Variants in SCLT1 observed in about 807,000 individuals in gnomAD.
SCLT1 encodes the protein sodium channel-associated protein 1.
A neutral mutation model predicts 112.8 loss-of-function variants in SCLT1; 78 were observed. That is an observed-to-expected ratio of 0.69 (90% CI 0.58 to 0.83). SCLT1 has a LOEUF of 0.83. Ranked by LOEUF, SCLT1 falls within the 40% of genes least tolerant of loss-of-function variation. The pLI, the probability that SCLT1 is intolerant of heterozygous loss-of-function variation, is 0.00. For synonymous variants in SCLT1, 257 were observed against 254.7 expected (o/e 1.01, Z -0.09); for missense variants, 747 against 770.4 (o/e 0.97, Z 0.36).
intron 2 of SCLT1, among the ~76,000 whole-genome samples, chr4:129,078,706 A>T (rs1430187582): frequency 6.6e-6 from 1 of 152,180 alleles, no homozygotes; most frequent in Non-Finnish European, 1.5e-5. Context: ...TACTCAAGCC[A>T]ACCAAATAAA....
At chr4:129,091,113 C>A (rs1452906681) in intron 1 of SCLT1, among the ~76,000 whole-genome samples, 1 of 152,070 alleles carries the variant, frequency 6.6e-6, no homozygotes, top group East Asian at 1.9e-4. Flanking sequence ...TTTATCTGGG[C>A]TGGTATTTAG....
At chr4:129,082,248 A>G in intron 2 of SCLT1, 58 bp downstream of exon 2, 1 of 732,490 alleles carries the variant, frequency 1.4e-6, no homozygotes, top group Non-Finnish European at 2.2e-6. Context: ...CAAGTTTCAA[A>G]GTGCTGTAGG....
chr4:129,082,252 C>T, intron 2 of SCLT1, 54 bp downstream of exon 2: 1 of 800,134 alleles, frequency 1.2e-6, no homozygotes, highest in Admixed American at 2.5e-5. Context: ...TTTCAAAGTG[C>T]TGTAGGCAAC....
intron 5 of SCLT1, among the ~76,000 whole-genome samples, chr4:129,033,962 G>A (rs1579788528): frequency 6.6e-6 from 1 of 152,138 alleles, no homozygotes; most frequent in East Asian, 1.9e-4. Flanking sequence ...ATAGGATTCT[G>A]GCGGGCTTTG....
chr4:128,970,641 T>C (rs1386407220), intron 9 of SCLT1, 173 bp from the exon 10 acceptor site: 3 of 557,396 alleles, frequency 5.4e-6, no homozygotes, highest in East Asian at 6.0e-5. Context: ...ATGTAGAAGA[T>C]ATTAAAGAGG....
intron 4 of SCLT1, among the ~76,000 whole-genome samples, chr4:129,042,219 C>G (rs905761097): frequency 1.3e-5 from 2 of 152,112 alleles, no homozygotes. Flanking sequence ...ATAGGTTTAG[C>G]TTGAGTCATA....
Position 129,003,815 on chromosome 4 carries a change from C to CTT in SCLT1, c.351_352insAA (p.Glu118LysfsTer3). 1 of 1,612,226 alleles carries CTT rather than the reference C, an allele frequency of 6.2e-7. No individual in the cohort carries two copies. The highest frequency in any genetic ancestry group is 8.5e-7 in the Non-Finnish European group (1 of 1,178,800). On this transcript the variant is annotated frameshift_variant, in exon 6 of 21. Coordinates refer to ENST00000281142, the MANE Select transcript of SCLT1 (RefSeq NM_144643.4). LOFTEE classifies it high-confidence loss of function. ...TCTGCATATATGTCAGTTCCTACCT[C>CTT]TGTGCCCAGGGGAAAGGCCTCCAAT...
intron 3 of SCLT1, among the ~76,000 whole-genome samples, chr4:128,877,275 G>A (rs146911082): frequency 1.7e-3 from 254 of 152,266 alleles, no homozygotes; most frequent in Non-Finnish European, 3.0e-3. Context: ...GGAAACTGAG[G>A]CACAGAGAAA....
intron 5 of SCLT1, among the ~76,000 whole-genome samples, chr4:129,025,150 C>T (rs1004547924): frequency 4.6e-5 from 7 of 152,108 alleles, no homozygotes; most frequent in African/African-American, 1.7e-4. Flanking sequence ...GGAGAACTTC[C>T]CCAATCTAGC....
chr4:128,959,922 T>TA (rs1739536801), intron 11 of SCLT1, 145 bp from the exon 12 acceptor site: 5 of 643,042 alleles, frequency 7.8e-6, no homozygotes, highest in Non-Finnish European at 1.3e-5. Flanking sequence ...ATTACCCTTC[T>TA]ATAAAGTAGG....
intron 18 of SCLT1, among the ~76,000 whole-genome samples, chr4:128,933,555 A>T (rs1736945056): frequency 6.6e-6 from 1 of 151,732 alleles, no homozygotes; most frequent in South Asian, 2.1e-4. Flanking sequence ...CTTATCTTGT[A>T]CTCTCCTGTC....
intron 2 of SCLT1, among the ~76,000 whole-genome samples, chr4:129,070,786 A>C (rs1480190995): frequency 6.6e-6 from 1 of 151,728 alleles, no homozygotes; most frequent in Non-Finnish European, 1.5e-5. Flanking sequence ...ATTCTGCTCT[A>C]ATCTTGGTTA....
At chr4:128,940,008 A>T (rs186147085) in intron 17 of SCLT1, among the ~76,000 whole-genome samples, 1 of 152,280 alleles carries the variant, frequency 6.6e-6, no homozygotes, top group East Asian at 1.9e-4. Context: ...ATCAATGGCT[A>T]TTCTCTTAAG....
At chr4:129,058,112 C>CT (rs571812567) in intron 2 of SCLT1, among the ~76,000 whole-genome samples, 162 of 152,008 alleles carry the variant, frequency 1.1e-3, no homozygotes, top group African/African-American at 3.7e-3. Flanking sequence ...TTATTTGGAT[C>CT]TTTTCACTTT....
intron 5 of SCLT1, among the ~76,000 whole-genome samples, chr4:129,016,768 A>G (rs1745029281): frequency 6.6e-6 from 1 of 152,186 alleles, no homozygotes; most frequent in Non-Finnish European, 1.5e-5. Flanking sequence ...ATGCCGGCTT[A>G]TATCCCTGGA....
chr4:129,031,642 T>A (rs1361235167), intron 5 of SCLT1, among the ~76,000 whole-genome samples: 3 of 151,776 alleles, frequency 2.0e-5, no homozygotes, highest in Non-Finnish European at 4.4e-5. Context: ...ATGTGCAAAA[T>A]CAAAGGATTC....
chr4:128,965,829 CT>C (rs34253075), intron 10 of SCLT1, among the ~76,000 whole-genome samples: 28,069 of 123,646 alleles, frequency 0.23, 1,846 homozygotes, highest in Admixed American at 0.26. Flanking sequence ...GATGCCATAA[CT>C]TTTTTTTTTT....
chr4:129,031,458 C>T (rs1452796792), intron 5 of SCLT1, among the ~76,000 whole-genome samples: 2 of 152,014 alleles, frequency 1.3e-5, no homozygotes, highest in Admixed American at 1.3e-4. Flanking sequence ...GAAGCTCTGG[C>T]CAGGGCAATC....
At chr4:129,003,431 A>T (rs1743698402) in intron 6 of SCLT1, among the ~76,000 whole-genome samples, 1 of 150,240 alleles carries the variant, frequency 6.7e-6, no homozygotes, top group Admixed American at 6.6e-5. Context: ...TTAAAGTATA[A>T]TTAAAAAAAA....
Sources: gnomAD v4.1 joint callset for allele counts (sites outside exome capture counted in the v4.1 genomes callset) on GRCh38, gnomAD v4.1.1 for gene constraint, MANE v1.5 for transcripts, NCBI Gene and HGNC (gene_info 2026-07-23, HGNC 2026-07-21) for gene names.